ZBTB25: variants seen among roughly 807,000 people sequenced by gnomAD.
ZBTB25 encodes zinc finger and BTB domain containing 25.
ZBTB25 carries 20 observed loss-of-function variants against 34.2 expected under a neutral mutation model. The ratio of observed to expected loss-of-function variants is 0.58; its 90% CI spans 0.41 to 0.85. The LOEUF is 0.85. Among genes scored for constraint, ZBTB25 ranks in the 40% least tolerant of loss-of-function variants. The pLI, the probability that ZBTB25 is intolerant of heterozygous loss-of-function variation, is 0.00. For synonymous variants in ZBTB25, 175 were observed against 186.4 expected (o/e 0.94, Z 0.50); for missense variants, 437 against 521.8 (o/e 0.84, Z 1.58).
At chr14:64,475,399 A>T (rs2078710591), downstream of ZBTB25, among the ~76,000 whole-genome samples, 1 of 151,814 alleles carries the variant, frequency 6.6e-6, no homozygotes, top group Admixed American at 6.6e-5. Flanking sequence ...ACATCATGCC[A>T]TTGCACTCCA....
intron 2 of ZBTB25, chr14:64,468,145 TA>T (rs1164160124): frequency 1.1e-5 from 3 of 268,320 alleles, no homozygotes; most frequent in Non-Finnish European, 2.1e-5. Flanking sequence ...GATCTTTAAA[TA>T]AAGCAAAAAT....
At chr14:64,473,414 A>C (rs546427683), downstream of ZBTB25, 3 of 167,142 alleles carry the variant, frequency 1.8e-5, no homozygotes, top group African/African-American at 7.2e-5. Flanking sequence ...GAGTCTTAGA[A>C]TCTCTTTTAT....
intron 2 of ZBTB25, among the ~76,000 whole-genome samples, chr14:64,459,487 CTA>C (rs3215668): frequency 0.17 from 25,975 of 152,154 alleles, 2,551 homozygotes; most frequent in Non-Finnish European, 0.22. Flanking sequence ...TGCTAGAACA[CTA>C]TTCTTTGAGA....
At chr14:64,471,254 A>G (rs1347069922) in intron 2 of ZBTB25, 1 of 153,028 alleles carries the variant, frequency 6.5e-6, no homozygotes, top group African/African-American at 2.5e-5. Context: ...CTGGGTTCAC[A>G]CCATTCTTCT....
chr14:64,492,481 C>A (rs1481009002), intron 1 of ZBTB25, among the ~76,000 whole-genome samples: 2 of 152,024 alleles, frequency 1.3e-5, no homozygotes, highest in African/African-American at 2.4e-5. Flanking sequence ...GCATGAGCCA[C>A]CGTGCCCGGC....
chr14:64,472,032 G>A (rs938538031), intron 2 of ZBTB25: 1 of 166,482 alleles, frequency 6.0e-6, no homozygotes, highest in African/African-American at 2.4e-5. Flanking sequence ...ATCCGGGGAG[G>A]AGGGTGGAAA....
intron 1 of ZBTB25, among the ~76,000 whole-genome samples, chr14:64,496,017 G>A (rs927644232): frequency 1.3e-5 from 2 of 151,340 alleles, no homozygotes; most frequent in Non-Finnish European, 2.9e-5. Flanking sequence ...TGTCCTGATA[G>A]GAACTATTCA....
rs770190006 is a variant in ZBTB25, at chr14:64,487,152, C to T, written c.1079G>A (p.Arg360Gln). 20 of 1,613,830 alleles carry T rather than the reference C, an allele frequency of 1.2e-5. No individual in the cohort carries two copies. Among genetic ancestry groups the T allele is most frequent in the Admixed American group, 1.7e-5 (1 of 59,978 alleles). ...CATGTGTTCCAACAATTGGCTCTTT[C>T]GAGGGAATTTATGACCACAGATGGT... ...SCTICGHKFP[R>Q]KSQLLEHMYT... Residue 360 changes from arginine (R) to glutamine (Q), a missense_variant, in exon 3 of 3, where the codon CGA becomes CAA. By Grantham distance (43) the Arg-to-Gln change is conservative (BLOSUM62 1). Transcript: ENST00000608382.
chr14:64,486,259 G>A lies in ZBTB25; in HGVS notation c.*664C>T. On this transcript the variant is annotated 3_prime_UTR_variant, in exon 3 of 3. Transcript: ENST00000608382. ...GGAGCTTGCAGTCAGCCGAGATCGC[G>A]CCACTGCGCCCCAGCCTGGGCGACA... 5 of 957,896 alleles carry A rather than the reference G, an allele frequency of 5.2e-6. No individual in the cohort carries two copies. The highest frequency in any genetic ancestry group is 5.0e-6 in the Non-Finnish European group (4 of 805,180). 59.3% of individuals were successfully genotyped at this position (957,896 alleles called of 1,614,324 possible).
chr14:64,454,042 A>G (rs1290420321), intron 2 of ZBTB25, among the ~76,000 whole-genome samples: 2 of 152,172 alleles, frequency 1.3e-5, no homozygotes, highest in Non-Finnish European at 2.9e-5. Flanking sequence ...TTATTTACCC[A>G]TAGGCGTTAT....
chr14:64,469,616 A>G (rs753889145), intron 2 of ZBTB25: 11 of 1,609,808 alleles, frequency 6.8e-6, no homozygotes, highest in South Asian at 1.1e-5. Flanking sequence ...TCAGTTGTCA[A>G]TAGAACAGCT....
intron 2 of ZBTB25, among the ~76,000 whole-genome samples, chr14:64,466,662 A>C (rs147930856): frequency 6.6e-6 from 1 of 152,230 alleles, no homozygotes; most frequent in African/African-American, 2.4e-5. Flanking sequence ...CCAACCTAAG[A>C]TAATATTTAC....
chr14:64,471,541 A>G (rs2078671655), intron 2 of ZBTB25: 1 of 167,066 alleles, frequency 6.0e-6, no homozygotes, highest in African/African-American at 2.4e-5. Context: ...GAAGCATCTG[A>G]TCTCATCAAT....
At chr14:64,472,098 T>G (rs531113472) in intron 2 of ZBTB25, 5 of 167,020 alleles carry the variant, frequency 3.0e-5, no homozygotes, top group Admixed American at 1.3e-4. Flanking sequence ...AGTCAATTTC[T>G]TTTAATTGTA....
chr14:64,500,068 TA>T (rs562995728), intron 1 of ZBTB25, among the ~76,000 whole-genome samples: 1 of 151,762 alleles, frequency 6.6e-6, no homozygotes, highest in Non-Finnish European at 1.5e-5. Context: ...AATAGACCTT[TA>T]AAAAAAATCA....
upstream of ZBTB25, chr14:64,504,782 T>A (rs1341934072): frequency 5.3e-6 from 2 of 380,140 alleles, no homozygotes. Context: ...TGCAGCACAG[T>A]CCCTGGCAGA....
At chr14:64,489,895 A>C (rs1340492920) in intron 2 of ZBTB25, among the ~76,000 whole-genome samples, 1 of 151,516 alleles carries the variant, frequency 6.6e-6, no homozygotes, top group Non-Finnish European at 1.5e-5. Flanking sequence ...ACTGAGTTTA[A>C]TTACTAATGT....
downstream of ZBTB25, among the ~76,000 whole-genome samples, chr14:64,474,733 G>C (rs1159415555): frequency 6.6e-6 from 1 of 152,200 alleles, no homozygotes; most frequent in African/African-American, 2.4e-5. Context: ...TTCTGAATTT[G>C]ATGACATTTG....
At position 64,485,449 on chromosome 14, in the gene ZBTB25, T is replaced by A. The variant is rs910506116; in HGVS notation, c.*1474A>T. On this transcript the variant is annotated 3_prime_UTR_variant, in exon 3 of 3. Transcript: ENST00000608382. Reference sequence around the variant, plus strand: ...TCAGAAACAATTTAGATCTATCCTTTGTGGTGAAGCTTAACCAGCTATTTC... The same window carrying A: ...TCAGAAACAATTTAGATCTATCCTTAGTGGTGAAGCTTAACCAGCTATTTC... The A allele has an allele frequency of 1.0e-6, 1 of 985,292 alleles. No individual in the cohort carries two copies. The highest frequency in any genetic ancestry group is 6.1e-5 in the Admixed American group (1 of 16,270). The allele number at this position is 985,292 out of a possible 1,614,324, so 61.0% of individuals were successfully genotyped here. A position where few individuals can be genotyped will look rare whatever the true frequency, so the allele number is the denominator to read the frequency against.
Sources: gnomAD v4.1 joint callset for allele counts (sites outside exome capture counted in the v4.1 genomes callset) on GRCh38, gnomAD v4.1.1 for gene constraint, MANE v1.5 for transcripts, NCBI Gene and HGNC (gene_info 2026-07-23, HGNC 2026-07-21) for gene names.